SHROOM3: variants seen among roughly 807,000 people sequenced by gnomAD.
The protein encoded by SHROOM3 is shroom family member 3, also known as protein Shroom3.
A neutral mutation model predicts 138.6 loss-of-function variants in SHROOM3; 47 were observed. The observed-to-expected ratio is 0.34, with a 90% CI of 0.27 to 0.43. The LOEUF (loss-of-function observed/expected upper bound fraction) is 0.43, where lower values mean the gene tolerates loss of function less well. Among genes scored for constraint, SHROOM3 ranks in the 20% least tolerant of loss-of-function variants. SHROOM3 has a pLI of 1.00. For missense variants in SHROOM3, 2,491 were observed against 2,596.5 expected, an observed-to-expected ratio of 0.96 and a Z score of 0.88; for synonymous variants, 1,062 against 1,063.3, an observed-to-expected ratio of 1.00 and a Z score of 0.02.
intron 6 of SHROOM3, among the ~76,000 whole-genome samples, chr4:76,749,504 G>A (rs982592390): frequency 4.6e-5 from 7 of 152,326 alleles, no homozygotes; most frequent in South Asian, 2.1e-4. Flanking sequence ...ATTCTTGAGC[G>A]TGCCCCATGG....
At chr4:76,689,999 A>T (rs1719472349) in intron 2 of SHROOM3, among the ~76,000 whole-genome samples, 1 of 152,180 alleles carries the variant, frequency 6.6e-6, no homozygotes, top group South Asian at 2.1e-4. Flanking sequence ...GATCTGTGAA[A>T]TATTTTAATT....
At chr4:76,479,457 A>G (rs1259961656) in intron 1 of SHROOM3, among the ~76,000 whole-genome samples, 1 of 152,010 alleles carries the variant, frequency 6.6e-6, no homozygotes, top group Non-Finnish European at 1.5e-5. Flanking sequence ...GAATGAACAA[A>G]ACCTCCAAAA....
At chr4:76,469,544 C>T (rs1053662419) in intron 1 of SHROOM3, among the ~76,000 whole-genome samples, 1 of 152,072 alleles carries the variant, frequency 6.6e-6, no homozygotes, top group Non-Finnish European at 1.5e-5. Context: ...GCAACCTCTG[C>T]CTCCCAGGTT....
chr4:76,778,800 C>T lies in SHROOM3; in HGVS notation c.5623-9C>T. On this transcript the variant is annotated splice_polypyrimidine_tract_variant and intron_variant, in intron 10 of 10. Transcript: ENST00000296043. ...GGCCTTCATTGATCTGTCCAATTTTCCCTGGCAGAGCTCTCTTTACGAGAA... is the reference window on the plus strand; with the variant it reads ...GGCCTTCATTGATCTGTCCAATTTTTCCTGGCAGAGCTCTCTTTACGAGAA... 5.0e-6 allele frequency: 8 copies of T among 1,612,146 alleles called. No homozygotes were observed. The highest frequency in any genetic ancestry group is 6.8e-6 in the Non-Finnish European group (8 of 1,180,022).
In SHROOM3 at chr4:76,739,496, G is replaced by C. The variant is rs1456302404; in HGVS notation, c.1323G>C (p.Glu441Asp). 1.2e-6 allele frequency: 2 copies of C among 1,614,120 alleles called. No homozygotes were observed. Among genetic ancestry groups the C allele is most frequent in the East Asian group, 4.5e-5 (2 of 44,870 alleles). The change falls in exon 5 of 11, where the codon GAG becomes GAC. Residue 441 changes from glutamate (E) to aspartate (D), a missense_variant. Glu to Asp is a conservative substitution (Grantham distance 45). Around this residue, in one of 4 missense-constraint regions of SHROOM3, gnomAD observed 1,733 missense variants for 1,661.6 expected, o/e 1.04. Coordinates refer to ENST00000296043, the MANE Select transcript of SHROOM3 (RefSeq NM_020859.4). ...QLHTVLEKSP[E>D]NSPPVKPKHN... ...ATACTGTGCTGGAGAAGAGTCCAGA[G>C]AACAGCCCCCCAGTGAAGCCCAAGC...
intron 1 of SHROOM3, among the ~76,000 whole-genome samples, chr4:76,527,816 CTGGA>C (rs1732730684): frequency 6.6e-6 from 1 of 152,182 alleles, no homozygotes; most frequent in Non-Finnish European, 1.5e-5. Flanking sequence ...GTTCTTAATA[CTGGA>C]TGGATCGCCC....
At chr4:76,668,000 T>G (rs1192482957) in intron 2 of SHROOM3, among the ~76,000 whole-genome samples, 1 of 130,834 alleles carries the variant, frequency 7.6e-6, no homozygotes, top group Non-Finnish European at 1.6e-5. Flanking sequence ...AAAGTTGTTC[T>G]GCAGGTGCAC....
At chr4:76,520,217 T>C (rs1012500490) in intron 1 of SHROOM3, among the ~76,000 whole-genome samples, 2 of 152,168 alleles carry the variant, frequency 1.3e-5, no homozygotes, top group Admixed American at 6.6e-5. Flanking sequence ...TTATATCTCT[T>C]TCCAGGGTCA....
chr4:76,659,689 C>T (rs987596888), intron 2 of SHROOM3, among the ~76,000 whole-genome samples: 2 of 152,150 alleles, frequency 1.3e-5, no homozygotes, highest in Admixed American at 6.5e-5. Flanking sequence ...TCAAGCGATT[C>T]TCCTGCCTCA....
intron 2 of SHROOM3, among the ~76,000 whole-genome samples, chr4:76,612,615 C>T (rs573284220): frequency 1.3e-5 from 2 of 152,180 alleles, no homozygotes; most frequent in South Asian, 2.1e-4. Flanking sequence ...GATATTATTT[C>T]AGGCAAGATT....
At chr4:76,688,639 A>G in intron 2 of SHROOM3, 10 of 985,458 alleles carry the variant, frequency 1.0e-5, no homozygotes, top group Non-Finnish European at 1.2e-5. Context: ...CTTTGAAGAA[A>G]GATGAAACTT....
At chr4:76,727,448 T>C (rs895428678) in intron 3 of SHROOM3, among the ~76,000 whole-genome samples, 8 of 152,202 alleles carry the variant, frequency 5.3e-5, no homozygotes, top group Non-Finnish European at 1.2e-4. Context: ...TGAGGCAGCC[T>C]ACCTTCAAGG....
chr4:76,573,283 C>G (rs776949163), intron 2 of SHROOM3, among the ~76,000 whole-genome samples: 22 of 150,466 alleles, frequency 1.5e-4, no homozygotes, highest in Non-Finnish European at 2.8e-4. Flanking sequence ...AAGTAGGTAC[C>G]CAATTTTATC....
intron 2 of SHROOM3, among the ~76,000 whole-genome samples, chr4:76,704,385 G>A (rs1719989290): frequency 6.6e-6 from 1 of 152,218 alleles, no homozygotes. Flanking sequence ...ACAATTTCAT[G>A]TGGTTATAAG....
chr4:76,643,635 A>T (rs546720738), intron 2 of SHROOM3, among the ~76,000 whole-genome samples: 1 of 152,318 alleles, frequency 6.6e-6, no homozygotes, highest in East Asian at 1.9e-4. Flanking sequence ...TAAGGTTATC[A>T]GTATATAGTA....
At chr4:76,457,495 ATT>A (rs763634018) in intron 1 of SHROOM3, among the ~76,000 whole-genome samples, 9 of 142,458 alleles carry the variant, frequency 6.3e-5, no homozygotes, top group African/African-American at 5.1e-5. Context: ...TTTCTTTATA[ATT>A]TTTTTTTTTT....
chr4:76,652,156 T>C (rs1439224544), intron 2 of SHROOM3, among the ~76,000 whole-genome samples: 1 of 152,210 alleles, frequency 6.6e-6, no homozygotes, highest in Non-Finnish European at 1.5e-5. Flanking sequence ...GAGGCAAACT[T>C]ACCTGGTGTT....
At chr4:76,651,326 G>C (rs1339206456) in intron 2 of SHROOM3, among the ~76,000 whole-genome samples, 2 of 149,122 alleles carry the variant, frequency 1.3e-5, no homozygotes, top group South Asian at 4.2e-4. Flanking sequence ...GCTTGAGGGG[G>C]ATGGATACCC....
rs201839039 is a variant in SHROOM3 at position 76,739,857 on chromosome 4, G to A, written c.1684G>A (p.Val562Met). The change falls in exon 5 of 11, where the codon GTG (valine) becomes ATG (methionine). Residue 562 changes from valine (V) to methionine (M), a missense_variant. This residue lies in a region of SHROOM3 where 1,733 missense variants were observed against 1,661.6 expected (regional missense o/e 1.04). Coordinates refer to ENST00000296043, the MANE Select transcript of SHROOM3 (RefSeq NM_020859.4). ...CCCCTCCAAAGTCCATTTCTGTTCA[G>A]TGCCTGAAAATGAGGAGGATGCCTC... ...YVPSKVHFCS[V>M]PENEEDASLK... 6.2e-7 allele frequency: 1 copy of A among 1,614,224 alleles called. No individual in the cohort carries two copies. Among genetic ancestry groups the A allele is most frequent in the African/African-American group, 1.3e-5 (1 of 75,060 alleles).
Sources: gnomAD v4.1 joint callset for allele counts (sites outside exome capture counted in the v4.1 genomes callset) on GRCh38, gnomAD v4.1.1 for gene constraint, gnomAD v4.1.1 regional missense constraint, MANE v1.5 for transcripts, NCBI Gene and HGNC (gene_info 2026-07-23, HGNC 2026-07-21) for gene names.